MEIG1: variants seen among roughly 807,000 people sequenced by gnomAD.
MEIG1 encodes meiosis expressed gene 1 protein homolog.
A neutral mutation model predicts 11.3 loss-of-function variants in MEIG1; 12 were observed. That is an observed-to-expected ratio of 1.07 (90% CI 0.68 to 1.73). The LOEUF is 1.73. Ranked by LOEUF, MEIG1 falls within the 40% of genes most tolerant of loss-of-function variation. The pLI is 0.00. For missense variants in MEIG1, 119 were observed against 104.9 expected (o/e 1.13, Z -0.59); for synonymous variants, 41 against 33.2 (o/e 1.24, Z -0.81).
chr10:14,957,217 T>G (rs1168498083), upstream of MEIG1, among the ~76,000 whole-genome samples: 1 of 152,188 alleles, frequency 6.6e-6, no homozygotes, highest in Non-Finnish European at 1.5e-5. Context: ...ATAGGTACAC[T>G]TTCTGTCCTC....
chr10:14,958,476 C>G (rs1199146507), upstream of MEIG1, among the ~76,000 whole-genome samples: 1 of 152,120 alleles, frequency 6.6e-6, no homozygotes, highest in Admixed American at 6.5e-5. Context: ...TATTTAACAA[C>G]GAGCTCAGAA....
At chr10:14,956,570 G>A (rs1437640143), upstream of MEIG1, among the ~76,000 whole-genome samples, 3 of 152,024 alleles carry the variant, frequency 2.0e-5, no homozygotes, top group Admixed American at 6.6e-5. Context: ...CAACAAGAGC[G>A]AAACTCCATC....
At chr10:14,981,717 T>C (rs143996989) in intron 1 of MEIG1, among the ~76,000 whole-genome samples, 1 of 152,202 alleles carries the variant, frequency 6.6e-6, no homozygotes, top group African/African-American at 2.4e-5. Context: ...CCTCCTGTTC[T>C]GAGTCATCTT....
chr10:14,979,000 C>T (rs187774616), intron 1 of MEIG1, among the ~76,000 whole-genome samples: 1 of 152,052 alleles, frequency 6.6e-6, no homozygotes, highest in Non-Finnish European at 1.5e-5. Context: ...TGTCACCCGG[C>T]GTGTACACCT....
At chr10:14,977,641 C>T (rs1392055383), downstream of MEIG1, among the ~76,000 whole-genome samples, 7 of 151,722 alleles carry the variant, frequency 4.6e-5, no homozygotes, top group African/African-American at 1.7e-4. Context: ...GATATAACTC[C>T]TAATATCACA....
At chr10:14,966,630 C>G (rs1843087735) in intron 2 of MEIG1, 24 bp downstream of exon 2, 4 of 1,593,398 alleles carry the variant, frequency 2.5e-6, no homozygotes, top group Non-Finnish European at 3.4e-6. Flanking sequence ...CTCTACAAAC[C>G]TCAACTCGAA....
chr10:14,979,719 AC>A (rs1276104142), intron 1 of MEIG1, among the ~76,000 whole-genome samples: 2 of 151,958 alleles, frequency 1.3e-5, no homozygotes, highest in Non-Finnish European at 2.9e-5. Context: ...TAGGGTGTGT[AC>A]ACCCCTTGAT....
chr10:14,966,352 G>A (rs151242109), intron 1 of MEIG1, 88 bp from the exon 2 acceptor site: 22 of 878,964 alleles, frequency 2.5e-5, no homozygotes, highest in African/African-American at 1.4e-4. Context: ...GTGAGCCACC[G>A]CACCCGGCCA....
At position 14,963,184 on chromosome 10, in the gene MEIG1, C is replaced by A. The variant is rs559524132; in HGVS notation, c.-29-3256C>A. ...CGATCTTGGCTCACTGCAACCTCTG[C>A]CCCCCAGGTTCAAGCAATTCTCCTA... On this transcript the variant is annotated intron_variant, in intron 1 of 2. Coordinates refer to ENST00000407572, the MANE Select transcript of MEIG1 (RefSeq NM_001080836.3). 2.2e-4 allele frequency among the ~76,000 whole-genome samples: 33 copies of A among 150,866 alleles called. No homozygotes were observed. In the South Asian group the frequency reaches 5.7e-3, roughly 26 times the overall value.
At chr10:14,958,918 C>A (rs911280423), upstream of MEIG1, among the ~76,000 whole-genome samples, 3 of 151,928 alleles carry the variant, frequency 2.0e-5, no homozygotes, top group African/African-American at 2.4e-5. Flanking sequence ...AACAAAAAAA[C>A]AAAAAACCGT....
chr10:14,957,312 G>A (rs991477008), upstream of MEIG1, among the ~76,000 whole-genome samples: 1 of 152,142 alleles, frequency 6.6e-6, no homozygotes, highest in Non-Finnish European at 1.5e-5. Context: ...AATCCAAGAA[G>A]GCCACCACAC....
chr10:14,976,901 A>C (rs6602788), downstream of MEIG1, among the ~76,000 whole-genome samples: 98,959 of 151,660 alleles, frequency 0.65, 32,511 homozygotes, highest in Admixed American at 0.74. Flanking sequence ...GCGTGTACAC[A>C]CTTTGATATT....
At position 14,972,835 on chromosome 10, in the gene MEIG1, A is replaced by T. The variant is rs1843168164; in HGVS notation, c.*194A>T. 1.9e-6 allele frequency: 1 copy of T among 515,538 alleles called. No individual in the cohort carries two copies. Among genetic ancestry groups the T allele is most frequent in the East Asian group, 3.7e-5 (1 of 26,920 alleles). 31.9% of individuals were successfully genotyped at this position (515,538 alleles called of 1,614,324 possible). ...CTAAGAACTGGCTGCAGATGCATTAAAGTTGTACTTTCTTGGTCCTGCTCT... is the reference window on the plus strand; with the variant it reads ...CTAAGAACTGGCTGCAGATGCATTATAGTTGTACTTTCTTGGTCCTGCTCT... On this transcript the variant is annotated 3_prime_UTR_variant, in exon 3 of 3. Transcript: ENST00000407572.
At chr10:14,975,648 G>T (rs552843761), downstream of MEIG1, among the ~76,000 whole-genome samples, 12 of 152,032 alleles carry the variant, frequency 7.9e-5, no homozygotes, top group East Asian at 7.7e-4. Context: ...GGTGTGTACA[G>T]CCCCCCTGTG....
chr10:14,985,640 G>A (rs1843311425), intron 1 of MEIG1, among the ~76,000 whole-genome samples: 3 of 151,964 alleles, frequency 2.0e-5, no homozygotes. Flanking sequence ...ATTCATAATA[G>A]CCTAGGAGGA....
intron 1 of MEIG1, among the ~76,000 whole-genome samples, chr10:14,980,231 T>G (rs1288837431): frequency 2.0e-5 from 3 of 152,122 alleles, no homozygotes; most frequent in African/African-American, 7.2e-5. Context: ...ATACAAATTG[T>G]GTACAATTTG....
At chr10:14,973,582 G>C (rs1210394246), downstream of MEIG1, among the ~76,000 whole-genome samples, 1 of 151,958 alleles carries the variant, frequency 6.6e-6, no homozygotes, top group Non-Finnish European at 1.5e-5. Context: ...ATCCTGGCTA[G>C]CAGGGTGAAA....
intron 2 of MEIG1, chr10:14,987,244 G>A (rs1843327938): frequency 2.2e-6 from 2 of 929,512 alleles, no homozygotes; most frequent in Non-Finnish European, 3.5e-6. Flanking sequence ...ACAGGTTGGA[G>A]AGGAAGAAGT....
chr10:14,978,565 C>T (rs1414565492), intron 1 of MEIG1, among the ~76,000 whole-genome samples: 2 of 151,950 alleles, frequency 1.3e-5, no homozygotes, highest in Non-Finnish European at 2.9e-5. Context: ...TGCATGTACA[C>T]CTTGTGATAT....
Sources: allele counts gnomAD v4.1 joint callset (sites outside exome capture counted in the v4.1 genomes callset), GRCh38; gene constraint gnomAD v4.1.1; transcripts MANE v1.5; gene names NCBI Gene and HGNC (gene_info 2026-07-23, HGNC 2026-07-21).